PDE3A: variants seen among roughly 807,000 people sequenced by gnomAD.
PDE3A encodes the protein phosphodiesterase 3A.
In PDE3A, 43 loss-of-function variants were observed where a neutral mutation model predicts 98.3. The observed-to-expected ratio is 0.44, with a 90% CI of 0.34 to 0.56. PDE3A has a LOEUF of 0.56. Among genes scored for constraint, PDE3A ranks in the 20% least tolerant of loss-of-function variants. The pLI is 0.01. For missense variants in PDE3A, 1,427 were observed against 1,440.7 expected (o/e 0.99, Z 0.15); for synonymous variants, 663 against 567.9 (o/e 1.17, Z -2.38).
intron 2 of PDE3A, among the ~76,000 whole-genome samples, chr12:20,571,410 C>G (rs1942799437): frequency 1.3e-5 from 2 of 152,130 alleles, no homozygotes; most frequent in East Asian, 3.9e-4. Context: ...TTATAGTGTA[C>G]ATGAATGCTG....
chr12:20,626,044 A>T (rs1015282786), intron 5 of PDE3A, among the ~76,000 whole-genome samples: 5 of 152,096 alleles, frequency 3.3e-5, no homozygotes, highest in African/African-American at 9.7e-5. Flanking sequence ...TAAATGTGTG[A>T]GTGTGCGATG....
intron 2 of PDE3A, among the ~76,000 whole-genome samples, chr12:20,603,217 TA>T (rs1943634350): frequency 6.6e-6 from 1 of 152,214 alleles, no homozygotes; most frequent in Non-Finnish European, 1.5e-5. Context: ...ATTCGTCTCT[TA>T]TCCCAACTCC....
chr12:20,511,417 TACACAC>T (rs71884926), intron 1 of PDE3A, among the ~76,000 whole-genome samples: 20 of 147,994 alleles, frequency 1.4e-4, no homozygotes, highest in South Asian at 6.5e-4. Flanking sequence ...AGTGCTCAAA[TACACAC>T]ACACACACAC....
At chr12:20,392,224 T>C (rs1423503845) in intron 1 of PDE3A, among the ~76,000 whole-genome samples, 3 of 151,996 alleles carry the variant, frequency 2.0e-5, no homozygotes, top group Non-Finnish European at 4.4e-5. Flanking sequence ...CCAATGCAAA[T>C]AGGAAGATAA....
At chr12:20,640,310 T>C (rs1944616942) in intron 10 of PDE3A, among the ~76,000 whole-genome samples, 1 of 152,120 alleles carries the variant, frequency 6.6e-6, no homozygotes, top group African/African-American at 2.4e-5. Flanking sequence ...TAAGTCCACT[T>C]TAATATGGCT....
intron 1 of PDE3A, among the ~76,000 whole-genome samples, chr12:20,532,485 A>G (rs74334253): frequency 6.6e-6 from 1 of 152,180 alleles, no homozygotes; most frequent in African/African-American, 2.4e-5. Context: ...ATGGAACTGA[A>G]AGGAATAAAT....
intron 1 of PDE3A, among the ~76,000 whole-genome samples, chr12:20,397,524 A>G (rs10743371): frequency 0.3 from 44,979 of 151,832 alleles, 8,368 homozygotes; most frequent in East Asian, 0.56. Context: ...ATAGTAATAT[A>G]TTGTGTAAGT....
rs141727934 is a variant in PDE3A, at chr12:20,610,784, A to G, written c.1012-2659A>G. On this transcript the variant is annotated intron_variant, in intron 2 of 15. Coordinates refer to ENST00000359062, the MANE Select transcript of PDE3A (RefSeq NM_000921.5). Reference sequence around the variant, plus strand: ...TTATGCTGAGTAAAATAAGCCAGACACAGAAAAATATTGCATTATCTCACT... The same window carrying G: ...TTATGCTGAGTAAAATAAGCCAGACGCAGAAAAATATTGCATTATCTCACT... Among the ~76,000 whole-genome samples, 1,384 of 152,124 alleles carry G rather than the reference A, an allele frequency of 9.1e-3. 10 individuals are homozygous for G. Among genetic ancestry groups the G allele is most frequent in the Non-Finnish European group, 0.015 (1,003 of 67,848 alleles).
rs537679392 is a variant in PDE3A, at chr12:20,383,151, A to T, written c.960+12907A>T. On this transcript the variant is annotated intron_variant, in intron 1 of 15. Coordinates refer to ENST00000359062, the MANE Select transcript of PDE3A (RefSeq NM_000921.5). ...GTCTTTGAATGTCTTCGTAAAAATG[A>T]TGCTTTTGAGGGTCGGTTGTGTAGT... 1.0e-3 allele frequency among the ~76,000 whole-genome samples: 158 copies of T among 152,010 alleles called. 1 individual carries two copies. Among genetic ancestry groups the T allele is most frequent in the African/African-American group, 3.8e-3 (157 of 41,532 alleles).
In PDE3A at chr12:20,422,301, A is replaced by G. The variant is rs945442621; in HGVS notation, c.960+52057A>G. ...GGAGCTTGCAGTGAGCCAAGATCGCACCACTGCACTCCAGCCTGGGCAACA... is the reference window on the plus strand; with the variant it reads ...GGAGCTTGCAGTGAGCCAAGATCGCGCCACTGCACTCCAGCCTGGGCAACA... On this transcript the variant is annotated intron_variant, in intron 1 of 15. Coordinates refer to ENST00000359062, the MANE Select transcript of PDE3A (RefSeq NM_000921.5). Among the ~76,000 whole-genome samples the G allele has an allele frequency of 4.6e-5, 7 of 152,014 alleles. No individual in the cohort carries two copies. In the South Asian group the frequency reaches 6.2e-4, roughly 14 times the overall value.
intron 1 of PDE3A, among the ~76,000 whole-genome samples, chr12:20,554,918 T>G (rs1328166443): frequency 2.0e-5 from 3 of 152,226 alleles, no homozygotes; most frequent in African/African-American, 7.2e-5. Flanking sequence ...AATTATTTCA[T>G]TCATTTGCAT....
chr12:20,589,868 TA>T (rs11362815), intron 2 of PDE3A, among the ~76,000 whole-genome samples: 59,877 of 112,368 alleles, frequency 0.53, 14,049 homozygotes, highest in Admixed American at 0.62. Flanking sequence ...GACTGCATCT[TA>T]AAAAAAAAAA....
In PDE3A at chr12:20,554,574, C is replaced by CTTTTTCTTTCTT. The variant is rs1353549524; in HGVS notation, c.961-2080_961-2069dup. On this transcript the variant is annotated intron_variant, in intron 1 of 15. Transcript: ENST00000359062. ...TTTTTACCCTCAAAAGTCTATTTTT[C>CTTTTTCTTTCTT]TTTTTCTTTCTTTTTTTTTTCTTTT... is the stretch of plus-strand genomic sequence containing the variant. 2.7e-5 allele frequency among the ~76,000 whole-genome samples: 4 copies of CTTTTTCTTTCTT among 150,102 alleles called. No individual in the cohort carries two copies. In the East Asian group the frequency reaches 7.7e-4, roughly 29 times the overall value.
At chr12:20,655,461 A>C (rs1198843244) in intron 15 of PDE3A, among the ~76,000 whole-genome samples, 2 of 152,184 alleles carry the variant, frequency 1.3e-5, no homozygotes, top group Non-Finnish European at 2.9e-5. Context: ...CGAACTGTCC[A>C]AGGGAGAGAA....
At chr12:20,636,248 T>C (rs1944511524) in intron 8 of PDE3A, among the ~76,000 whole-genome samples, 1 of 152,218 alleles carries the variant, frequency 6.6e-6, no homozygotes, top group African/African-American at 2.4e-5. Flanking sequence ...TGGAAGCATA[T>C]ATTTGAGTCA....
At chr12:20,424,239 G>A (rs2120770094) in intron 1 of PDE3A, among the ~76,000 whole-genome samples, 1 of 152,264 alleles carries the variant, frequency 6.6e-6, no homozygotes, top group East Asian at 1.9e-4. Flanking sequence ...TCAATTTTGA[G>A]TTGTGAGTTG....
At chr12:20,486,058 A>T (rs1005723615) in intron 1 of PDE3A, among the ~76,000 whole-genome samples, 7 of 152,186 alleles carry the variant, frequency 4.6e-5, no homozygotes, top group Non-Finnish European at 8.8e-5. Flanking sequence ...ATAAATTCTT[A>T]TTTTAGCCTA....
intron 10 of PDE3A, among the ~76,000 whole-genome samples, chr12:20,645,782 T>C (rs1319346948): frequency 6.6e-6 from 1 of 152,112 alleles, no homozygotes; most frequent in Non-Finnish European, 1.5e-5. Flanking sequence ...GTTAATGGCA[T>C]CATCAACCAG....
chr12:20,642,021 A>G (rs1292433507), intron 10 of PDE3A, among the ~76,000 whole-genome samples: 1 of 152,154 alleles, frequency 6.6e-6, no homozygotes, highest in African/African-American at 2.4e-5. Flanking sequence ...AGTTATAATC[A>G]GCACATACAA....
Sources: allele counts gnomAD v4.1 joint callset (sites outside exome capture counted in the v4.1 genomes callset), GRCh38; gene constraint gnomAD v4.1.1; transcripts MANE v1.5; gene names NCBI Gene and HGNC (gene_info 2026-07-23, HGNC 2026-07-21).